Variants in PDE8B observed in about 807,000 individuals in gnomAD.
PDE8B encodes the protein high affinity cAMP-specific and IBMX-insensitive 3',5'-cyclic phosphodiesterase 8B.
Under a neutral mutation model 101.3 loss-of-function variants are expected in PDE8B, and 26 were observed. The ratio of observed to expected loss-of-function variants is 0.26; its 90% CI spans 0.19 to 0.36. The LOEUF is 0.36. PDE8B is among the 10% of genes least tolerant of loss of function. The pLI is 1.00. For missense variants in PDE8B, 810 were observed against 1,163.1 expected, an observed-to-expected ratio of 0.70 and a Z score of 4.42; for synonymous variants, 424 against 429.3, an observed-to-expected ratio of 0.99 and a Z score of 0.15.
chr5:77,221,150 C>T (rs1751018322), intron 1 of PDE8B, among the ~76,000 whole-genome samples: 1 of 152,172 alleles, frequency 6.6e-6, no homozygotes, highest in Admixed American at 6.5e-5. Context: ...ATATCAATCA[C>T]ACTTTTCTAA....
intron 1 of PDE8B, among the ~76,000 whole-genome samples, chr5:77,304,804 T>TG (rs926071812): frequency 5.9e-5 from 9 of 152,144 alleles, no homozygotes; most frequent in African/African-American, 1.9e-4. Flanking sequence ...GGATATTGTT[T>TG]GGGGGGGATA....
the PDE8B span, among the ~76,000 whole-genome samples, chr5:77,132,911 T>C: frequency 1.3e-5 from 2 of 152,220 alleles, no homozygotes; most frequent in African/African-American, 4.8e-5. Flanking sequence ...GATATGGAAT[T>C]CTAGGTTTAA....
the PDE8B span, chr5:77,131,281 A>G: frequency 6.6e-6 from 1 of 152,192 alleles, no homozygotes; most frequent in Non-Finnish European, 1.5e-5. Flanking sequence ...GTATCATCAT[A>G]ATTTGTCTTC....
chr5:77,327,577 C>A (rs1287475824), intron 3 of PDE8B, among the ~76,000 whole-genome samples: 1 of 152,152 alleles, frequency 6.6e-6, no homozygotes, highest in Non-Finnish European at 1.5e-5. Flanking sequence ...TAAGAACATG[C>A]CTCTAAAACA....
chr5:77,377,905 C>T (rs1026696124), intron 10 of PDE8B, among the ~76,000 whole-genome samples: 8 of 152,098 alleles, frequency 5.3e-5, no homozygotes, highest in African/African-American at 1.7e-4. Flanking sequence ...CCCTGGTTCT[C>T]AGACTTGCAG....
intron 1 of PDE8B, among the ~76,000 whole-genome samples, chr5:77,225,848 GCACACA>G (rs3087185): frequency 0.19 from 27,749 of 144,212 alleles, 2,623 homozygotes; most frequent in East Asian, 0.33. Flanking sequence ...ACATGCGCGT[GCACACA>G]CACACACACA....
At chr5:77,238,068 G>A (rs1026687774) in intron 1 of PDE8B, among the ~76,000 whole-genome samples, 2 of 152,036 alleles carry the variant, frequency 1.3e-5, no homozygotes, top group African/African-American at 4.8e-5. Flanking sequence ...TTCTGGACAT[G>A]GATTTCTTGG....
intron 10 of PDE8B, among the ~76,000 whole-genome samples, chr5:77,397,180 C>T (rs533308651): frequency 6.6e-5 from 10 of 151,548 alleles, no homozygotes; most frequent in Admixed American, 2.6e-4. Context: ...CAGGTGCACA[C>T]CACCCTGCCT....
At chr5:77,121,444 C>A in the PDE8B span, among the ~76,000 whole-genome samples, 1 of 151,628 alleles carries the variant, frequency 6.6e-6, no homozygotes, top group African/African-American at 2.4e-5. Flanking sequence ...CTTCCACCAC[C>A]TTTTATTATT....
chr5:77,177,416 ATAAG>A, the PDE8B span, among the ~76,000 whole-genome samples: 2 of 151,308 alleles, frequency 1.3e-5, no homozygotes, highest in Non-Finnish European at 2.9e-5. Flanking sequence ...ACTGATGATA[ATAAG>A]TAATAACAAA....
intron 10 of PDE8B, chr5:77,358,348 A>C: frequency 1.6e-6 from 1 of 621,986 alleles, no homozygotes; most frequent in Non-Finnish European, 2.0e-6. Context: ...TCTTCCCCCC[A>C]GGAAATCTTC....
intron 1 of PDE8B, among the ~76,000 whole-genome samples, chr5:77,296,498 CA>C (rs1245787209): frequency 2.0e-5 from 3 of 152,056 alleles, no homozygotes; most frequent in African/African-American, 2.4e-5. Context: ...CTTGGCTCCC[CA>C]AAAGCTGGGA....
the PDE8B span, among the ~76,000 whole-genome samples, chr5:77,108,646 G>T: frequency 6.6e-6 from 1 of 152,182 alleles, no homozygotes. Context: ...TTGCGCCACT[G>T]CATTTCAGCC....
chr5:77,205,789 T>C (rs1255324544), upstream of PDE8B, among the ~76,000 whole-genome samples: 2 of 152,214 alleles, frequency 1.3e-5, no homozygotes, highest in Non-Finnish European at 2.9e-5. Context: ...TTGTAATCAA[T>C]CTATGTACGT....
chr5:77,152,474 C>G, the PDE8B span, among the ~76,000 whole-genome samples: 1 of 152,100 alleles, frequency 6.6e-6, no homozygotes, highest in Non-Finnish European at 1.5e-5. Context: ...AGTGGCCAGG[C>G]AGGCATCTCC....
At position 77,279,955 on chromosome 5, in the gene PDE8B, A is replaced by C. The variant is rs115222738; in HGVS notation, c.340-32039A>C. On this transcript the variant is annotated intron_variant, in intron 1 of 21. Transcript: ENST00000264917. The stretch of plus-strand genomic sequence containing the variant: ...CAGCCTAGACAGTCATCTTCTTTTC[A>C]TTGCATGCCTTTCCCTATTTCTGGA... Among the ~76,000 whole-genome samples the C allele has an allele frequency of 3.4e-3, 525 of 152,196 alleles. 1 individual carries two copies. Among genetic ancestry groups the C allele is most frequent in the Admixed American group, 8.6e-3 (131 of 15,296 alleles).
At chr5:77,269,380 T>C (rs1467970314) in intron 1 of PDE8B, among the ~76,000 whole-genome samples, 1 of 152,244 alleles carries the variant, frequency 6.6e-6, no homozygotes, top group Non-Finnish European at 1.5e-5. Flanking sequence ...TATTACGCTC[T>C]TGTCAGATGG....
the PDE8B span, among the ~76,000 whole-genome samples, chr5:77,181,693 T>G: frequency 6.6e-6 from 1 of 152,114 alleles, no homozygotes; most frequent in Admixed American, 6.5e-5. Flanking sequence ...CAGGCTGCCT[T>G]CCATGGACGG....
chr5:77,182,491 C>T, the PDE8B span, among the ~76,000 whole-genome samples: 2 of 151,988 alleles, frequency 1.3e-5, no homozygotes, highest in Non-Finnish European at 2.9e-5. Flanking sequence ...TGAAAGATTC[C>T]AGCCACAACC....
Sources: allele counts gnomAD v4.1 joint callset (sites outside exome capture counted in the v4.1 genomes callset), GRCh38; gene constraint gnomAD v4.1.1; transcripts MANE v1.5; gene names NCBI Gene and HGNC (gene_info 2026-07-23, HGNC 2026-07-21).